The following FMO3 variants were observed in gnomAD, a reference collection of about 807,000 sequenced individuals.
The protein encoded by FMO3 is flavin-containing monooxygenase 3.
A neutral mutation model predicts 39.4 loss-of-function variants in FMO3; 40 were observed. That is an observed-to-expected ratio of 1.02 (90% confidence interval 0.79 to 1.32). The LOEUF (loss-of-function observed/expected upper bound fraction) is 1.32, where lower values mean the gene tolerates loss of function less well. FMO3 is among the 40% of genes most tolerant of loss of function. The pLI is 0.00. For synonymous variants in FMO3, 219 were observed against 228.8 expected (o/e 0.96, Z 0.39); for missense variants, 680 against 651.8 (o/e 1.04, Z -0.47).
chr1:171,102,707 G>T (rs28363533), intron 2 of FMO3, among the ~76,000 whole-genome samples: 1 of 152,134 alleles, frequency 6.6e-6, no homozygotes, highest in Non-Finnish European at 1.5e-5. Context: ...GTTTATTTCA[G>T]TGTGTGGCTA....
chr1:171,096,870 A>T (rs1419759281), intron 2 of FMO3, among the ~76,000 whole-genome samples: 6 of 150,790 alleles, frequency 4.0e-5, no homozygotes, highest in African/African-American at 9.8e-5. Context: ...TACATGTGCC[A>T]TGTTGGTGTG....
chr1:171,094,922 CT>C (rs1278558504), intron 2 of FMO3, among the ~76,000 whole-genome samples: 1 of 151,952 alleles, frequency 6.6e-6, no homozygotes, highest in African/African-American at 2.4e-5. Flanking sequence ...GTTATTTGGG[CT>C]TTTTTGGTTC....
intron 7 of FMO3, among the ~76,000 whole-genome samples, chr1:171,114,594 T>C (rs1656064439): frequency 6.6e-6 from 1 of 152,204 alleles, no homozygotes; most frequent in African/African-American, 2.4e-5. Flanking sequence ...CTACAACTTC[T>C]TACAGCTGAT....
chr1:171,109,717 T>C lies in FMO3; in HGVS notation c.628-1081T>C, dbSNP rs183884285. Among the ~76,000 whole-genome samples, 165 of 151,892 alleles carry C rather than the reference T, an allele frequency of 1.1e-3. 2 individuals are homozygous for C. In the East Asian group the frequency reaches 0.027, roughly 25 times the overall value. ...ACCCCATACCCAGCTACTTTTTGTA[T>C]TTTTAGTAGAGACAGGGTTTCACCA... is the stretch of plus-strand genomic sequence containing the variant. On this transcript the variant is annotated intron_variant, in intron 5 of 8. Transcript: ENST00000367755.
intron 2 of FMO3, among the ~76,000 whole-genome samples, chr1:171,097,050 T>C (rs942325033): frequency 6.6e-6 from 1 of 150,854 alleles, no homozygotes; most frequent in African/African-American, 2.4e-5. Context: ...GTTTGGTTTT[T>C]TGTCCTTGTG....
rs1327434149 is a variant in FMO3, at chr1:171,117,415, A to C, written c.1572A>C (p.Leu524Phe). The C allele has an allele frequency of 6.2e-7, 1 of 1,613,564 alleles. No homozygotes were observed. Among genetic ancestry groups the C allele is most frequent in the Non-Finnish European group, 8.5e-7 (1 of 1,179,850 alleles). The change falls in exon 9 of 9, where the codon TTA becomes TTC. Residue 524 changes from leucine to phenylalanine, a missense_variant. Physicochemically the swap from Leu to Phe is conservative, Grantham distance 22. Coordinates refer to ENST00000367755, the MANE Select transcript of FMO3 (RefSeq NM_001002294.3). ...WLKLFAIPIL[L>F]IAVFLVLT ...AGCTCTTTGCAATTCCTATTCTGTTAATCGCTGTTTTCCTTGTGTTGACCT... is the reference window on the plus strand; with the variant it reads ...AGCTCTTTGCAATTCCTATTCTGTTCATCGCTGTTTTCCTTGTGTTGACCT...
At chr1:171,115,080 C>T (rs1266170057) in intron 7 of FMO3, among the ~76,000 whole-genome samples, 6 of 152,266 alleles carry the variant, frequency 3.9e-5, no homozygotes, top group African/African-American at 9.6e-5. Context: ...ATCACACGAC[C>T]AGGTAGCCAG....
At chr1:171,096,085 A>G (rs1364277077) in intron 2 of FMO3, among the ~76,000 whole-genome samples, 1 of 79,936 alleles carries the variant, frequency 1.3e-5, no homozygotes, top group Non-Finnish European at 2.1e-5. Context: ...TATATAATAT[A>G]TATTAATATT....
At chr1:171,117,010 T>C in intron 8 of FMO3, 90 bp from the exon 9 acceptor site, 2 of 945,500 alleles carry the variant, frequency 2.1e-6, no homozygotes, top group Non-Finnish European at 3.5e-6. Flanking sequence ...ATGTTAATTC[T>C]CACTGATATA....
chr1:171,093,356 CGTAA>C lies in FMO3; in HGVS notation c.132+569_132+572del, dbSNP rs1192259853. On this transcript the variant is annotated intron_variant, in intron 2 of 8. Transcript: ENST00000367755. ...GTGTATACATTATGTAGCTCCCAAT[CGTAA>C]GTGAGAGAATATGTGGTATTTCACT... Among the ~76,000 whole-genome samples, 5 of 152,186 alleles carry C rather than the reference CGTAA, an allele frequency of 3.3e-5. No homozygotes were observed. The East Asian group carries it at 9.7e-4, about 29-fold the overall frequency.
intron 5 of FMO3, among the ~76,000 whole-genome samples, chr1:171,109,560 A>T: frequency 1.2e-5 from 1 of 84,638 alleles, no homozygotes; most frequent in South Asian, 3.8e-4. Flanking sequence ...TTGGAGACAG[A>T]GTCTCACTCT....
At chr1:171,101,574 A>G (rs1280231868) in intron 2 of FMO3, among the ~76,000 whole-genome samples, 5 of 152,218 alleles carry the variant, frequency 3.3e-5, no homozygotes, top group Admixed American at 3.3e-4. Flanking sequence ...AGAGATCCAA[A>G]CATTGGTTAA....
At chr1:171,096,716 T>C (rs1655100432) in intron 2 of FMO3, among the ~76,000 whole-genome samples, 2 of 139,870 alleles carry the variant, frequency 1.4e-5, no homozygotes, top group African/African-American at 5.2e-5. Context: ...AAAATTAATA[T>C]AATTATATTA....
At chr1:171,094,134 G>A (rs1014204441) in intron 2 of FMO3, among the ~76,000 whole-genome samples, 23 of 151,854 alleles carry the variant, frequency 1.5e-4, no homozygotes, top group Admixed American at 1.3e-4. Flanking sequence ...TGGCCTTTTT[G>A]ACTTTTTAAT....
At chr1:171,104,606 G>A (rs1655556875) in intron 3 of FMO3, among the ~76,000 whole-genome samples, 1 of 152,118 alleles carries the variant, frequency 6.6e-6, no homozygotes, top group African/African-American at 2.4e-5. Flanking sequence ...CAAGTGCAAT[G>A]GCCCATCTTA....
chr1:171,104,968 G>A (rs1352484186), intron 3 of FMO3, among the ~76,000 whole-genome samples: 2 of 152,028 alleles, frequency 1.3e-5, no homozygotes, highest in African/African-American at 4.8e-5. Flanking sequence ...GGAAAGGATA[G>A]ACAAAATGGA....
intron 2 of FMO3, among the ~76,000 whole-genome samples, chr1:171,093,041 G>A (rs191614021): frequency 6.6e-6 from 1 of 151,962 alleles, no homozygotes; most frequent in Admixed American, 6.6e-5. Context: ...AGAGCCACTT[G>A]GACATAAAAT....
Position 171,117,353 on chromosome 1 carries a change from A to G in FMO3, c.1510A>G (p.Arg504Gly). The G allele has an allele frequency of 6.2e-7, 1 of 1,612,930 alleles. No homozygotes were observed. Among genetic ancestry groups the G allele is most frequent in the Non-Finnish European group, 8.5e-7 (1 of 1,179,494 alleles). The change falls in exon 9 of 9, where the codon AGA becomes GGA. Residue 504 changes from arginine (R) to glycine (G), a missense_variant. Physicochemically the swap from Arg to Gly is moderately radical, Grantham distance 125 (BLOSUM62 -2). Coordinates refer to ENST00000367755, the MANE Select transcript of FMO3 (RefSeq NM_001002294.3). ...ACCCATGCAGACACGAGTGGTCGGG[A>G]GACTTCAGAAGCCTTGCTTCTTTTT... Reference protein sequence around the residue: ...LKPMQTRVVGRLQKPCFFFHW... With the variant: ...LKPMQTRVVGGLQKPCFFFHW...
Position 171,103,992 on chromosome 1 carries a change from T to C in FMO3, c.321+19T>C, listed in dbSNP as rs1357159933. 3 of 1,566,358 alleles carry C rather than the reference T, an allele frequency of 1.9e-6. No homozygotes were observed. The highest frequency in any genetic ancestry group is 1.4e-5 in the African/African-American group (1 of 73,892). On this transcript the variant is annotated intron_variant, in intron 3 of 8. Transcript: ENST00000367755. ...ATTTAAGGTAAGATGTTATCAACAA[T>C]TTAGCTCTTGTCATAATGCTGAAGA...
Sources: allele counts gnomAD v4.1 joint callset (sites outside exome capture counted in the v4.1 genomes callset), GRCh38; gene constraint gnomAD v4.1.1; transcripts MANE v1.5; gene names NCBI Gene and HGNC (gene_info 2026-07-23, HGNC 2026-07-21).